Variants in TMEM245 observed in about 807,000 individuals in gnomAD.
TMEM245 encodes the protein protein CG-2.
TMEM245 carries 69 observed loss-of-function variants against 101.2 expected under a neutral mutation model. The ratio of observed to expected loss-of-function variants is 0.68; its 90% CI spans 0.56 to 0.83. The LOEUF is 0.83. Ranked by LOEUF, TMEM245 falls within the 40% of genes least tolerant of loss-of-function variation. TMEM245 has a pLI of 0.00. For synonymous variants in TMEM245, 537 were observed against 449.8 expected (o/e 1.19, Z -2.45); for missense variants, 1,075 against 1,092.8 (o/e 0.98, Z 0.23).
chr9:109,021,526 GTTTTT>G, intron 17 of TMEM245, among the ~76,000 whole-genome samples: 1 of 151,590 alleles, frequency 6.6e-6, no homozygotes. Flanking sequence ...GTTTTGTTTT[GTTTTT>G]TGAGACAAGG....
intron 14 of TMEM245, 27 bp downstream of exon 14, chr9:109,050,256 T>A (rs370708225): frequency 3.1e-5 from 50 of 1,606,910 alleles, no homozygotes; most frequent in Non-Finnish European, 3.9e-5. Flanking sequence ...CTGGGAGAAA[T>A]AAGAATAGCA....
intron 11 of TMEM245, among the ~76,000 whole-genome samples, chr9:109,059,263 C>A (rs931098845): frequency 1.3e-5 from 2 of 152,274 alleles, no homozygotes; most frequent in East Asian, 3.9e-4. Flanking sequence ...CTTCCTTCAA[C>A]TCATCCCAAA....
intron 12 of TMEM245, among the ~76,000 whole-genome samples, chr9:109,052,510 C>G (rs1487631748): frequency 6.6e-6 from 1 of 152,168 alleles, no homozygotes; most frequent in Non-Finnish European, 1.5e-5. Context: ...CATTCCTTTC[C>G]TACTTCAGAT....
At chr9:109,090,445 G>A (rs568716645) in intron 5 of TMEM245, among the ~76,000 whole-genome samples, 14 of 151,530 alleles carry the variant, frequency 9.2e-5, no homozygotes, top group Non-Finnish European at 1.8e-4. Flanking sequence ...AATACTGGCC[G>A]GGCGCGGTGG....
rs1344042902 is a variant in TMEM245 at position 109,037,769 on chromosome 9, T to A, written c.2224+248A>T. Among the ~76,000 whole-genome samples the A allele has an allele frequency of 2.0e-5, 3 of 152,358 alleles. No individual in the cohort carries two copies. In the East Asian group the frequency reaches 5.8e-4, roughly 29 times the overall value. On this transcript the variant is annotated intron_variant, in intron 15 of 17. Coordinates refer to ENST00000374586, the MANE Select transcript of TMEM245 (RefSeq NM_032012.4). ...TTACCTAATCTCAGGTATTTCTTTA[T>A]AGCAGTGAGAGAACAGACTAATACA...
At chr9:109,085,886 T>G in intron 7 of TMEM245, 111 bp downstream of exon 7, 2 of 1,228,006 alleles carry the variant, frequency 1.6e-6, no homozygotes, top group South Asian at 2.5e-5. Context: ...AATTAAAACT[T>G]TGAAAACAAA....
Position 109,020,186 on chromosome 9 carries a change from T to C in TMEM245, c.*274A>G, listed in dbSNP as rs778628556. The stretch of plus-strand genomic sequence containing the variant: ...AAAGTGGAAAAATTTCAAGCCAGGG[T>C]ACCAGTGTATAAAATGAAACTTTTC... On this transcript the variant is annotated 3_prime_UTR_variant, in exon 18 of 18. Transcript: ENST00000374586. 26 of 436,388 alleles carry C rather than the reference T, an allele frequency of 6.0e-5. No individual in the cohort carries two copies. Among genetic ancestry groups the C allele is most frequent in the Non-Finnish European group, 9.3e-5 (22 of 236,646 alleles). The allele number at this position is 436,388 out of a possible 1,614,324, so 27.0% of individuals were successfully genotyped here.
At chr9:109,082,348 G>C (rs1041803663) in intron 7 of TMEM245, among the ~76,000 whole-genome samples, 1 of 152,118 alleles carries the variant, frequency 6.6e-6, no homozygotes, top group African/African-American at 2.4e-5. Context: ...TAAAAAAAAG[G>C]AATAACAGGT....
intron 10 of TMEM245, among the ~76,000 whole-genome samples, chr9:109,063,402 T>C (rs1347085914): frequency 6.6e-6 from 1 of 152,236 alleles, no homozygotes; most frequent in Non-Finnish European, 1.5e-5. Flanking sequence ...ATTATAGGCG[T>C]GAGCCACCAC....
rs917808978 is a variant in TMEM245 at position 109,095,649 on chromosome 9, T to C, written c.800-2058A>G. 2.0e-5 allele frequency among the ~76,000 whole-genome samples: 3 copies of C among 152,238 alleles called. No individual in the cohort carries two copies. In the East Asian group the frequency reaches 5.8e-4, roughly 29 times the overall value. ...CACTGAAGAGTTTCAAACAGGATAG[T>C]AGTCTTCTTCTCACTGAAATTTTAT... On this transcript the variant is annotated intron_variant, in intron 3 of 17. Coordinates refer to ENST00000374586, the MANE Select transcript of TMEM245 (RefSeq NM_032012.4).
intron 6 of TMEM245, among the ~76,000 whole-genome samples, 169 bp from the exon 7 acceptor site, chr9:109,086,189 C>T (rs996637755): frequency 3.3e-5 from 5 of 152,144 alleles, no homozygotes; most frequent in Admixed American, 6.5e-5. Context: ...TTAAAATCAA[C>T]GGAATGTAGT....
At chr9:109,066,000 A>G (rs1399201167) in intron 9 of TMEM245, among the ~76,000 whole-genome samples, 4 of 152,236 alleles carry the variant, frequency 2.6e-5, no homozygotes, top group Non-Finnish European at 4.4e-5. Flanking sequence ...TGCCTAGGAA[A>G]GTGGTCTTTA....
Position 109,093,421 on chromosome 9 carries a change from T to C in TMEM245, c.916+54A>G, listed in dbSNP as rs565459934. 2.0e-5 allele frequency: 29 copies of C among 1,466,282 alleles called. No individual in the cohort carries two copies. The East Asian group carries it at 6.6e-4, about 33-fold the overall frequency. The allele number at this position is 1,466,282 out of a possible 1,614,324, so 90.8% of individuals were successfully genotyped here. ...TGCTGGTGTCCTGAATTTTACTTTC[T>C]ATGTACATTTCATTTTCCAGAATAA... is the stretch of plus-strand genomic sequence containing the variant. On this transcript the variant is annotated intron_variant, in intron 4 of 17. Coordinates refer to ENST00000374586, the MANE Select transcript of TMEM245 (RefSeq NM_032012.4).
At chr9:109,083,925 A>AAAAC (rs1554725113) in intron 7 of TMEM245, among the ~76,000 whole-genome samples, 2 of 140,878 alleles carry the variant, frequency 1.4e-5, no homozygotes, top group East Asian at 2.3e-4. Context: ...AAAAAAAAAA[A>AAAAC]AAAACACCAG....
intron 12 of TMEM245, among the ~76,000 whole-genome samples, chr9:109,056,064 C>G (rs1242410651): frequency 6.6e-6 from 1 of 152,176 alleles, no homozygotes; most frequent in Non-Finnish European, 1.5e-5. Flanking sequence ...ATTAACAGCA[C>G]TTCATCTTCC....
Position 109,050,650 on chromosome 9 carries a change from G to T in TMEM245, c.1897C>A (p.Leu633Met). The change falls in exon 13 of 18, where the codon CTG (leucine) becomes ATG (methionine). Residue 633 changes from leucine (L) to methionine (M), a missense_variant. By Grantham distance (15) the Leu-to-Met change is conservative. Coordinates refer to ENST00000374586, the MANE Select transcript of TMEM245 (RefSeq NM_032012.4). ...AGTGTAGTGACAGTGGTGAACAGCA[G>T]GCTCACATTCCGGCTCATAACGATC... ...LWIVMSRNVS[L>M]LFTTVTTLLT... 6.2e-7 allele frequency: 1 copy of T among 1,613,298 alleles called. No homozygotes were observed. The highest frequency in any genetic ancestry group is 8.5e-7 in the Non-Finnish European group (1 of 1,179,886).
intron 17 of TMEM245, among the ~76,000 whole-genome samples, chr9:109,025,140 A>G (rs1157225317): frequency 2.0e-5 from 3 of 152,202 alleles, no homozygotes; most frequent in Admixed American, 2.0e-4. Flanking sequence ...TCAATCTTCT[A>G]AAGTGGAATG....
intron 17 of TMEM245, among the ~76,000 whole-genome samples, chr9:109,027,361 G>C (rs1200587325): frequency 6.6e-6 from 1 of 152,012 alleles, no homozygotes; most frequent in Non-Finnish European, 1.5e-5. Context: ...CTCTGGAGAA[G>C]GTAAAACAAA....
At chr9:109,050,256 T>C in intron 14 of TMEM245, 27 bp downstream of exon 14, 1 of 1,607,030 alleles carries the variant, frequency 6.2e-7, no homozygotes, top group Non-Finnish European at 8.5e-7. Flanking sequence ...CTGGGAGAAA[T>C]AAGAATAGCA....
Sources: gnomAD v4.1 joint callset for allele counts (sites outside exome capture counted in the v4.1 genomes callset) on GRCh38, gnomAD v4.1.1 for gene constraint, MANE v1.5 for transcripts, NCBI Gene and HGNC (gene_info 2026-07-23, HGNC 2026-07-21) for gene names.